MEP1A: variants seen among roughly 807,000 people sequenced by gnomAD.
The protein encoded by MEP1A is meprin A subunit alpha, also known as N-benzoyl-L-tyrosyl-P-amino-benzoic acid hydrolase subunit alpha.
Under a neutral mutation model 84.5 loss-of-function variants are expected in MEP1A, and 68 were observed. The observed-to-expected ratio is 0.80, with a 90% CI of 0.66 to 0.98. The LOEUF is 0.98. Among genes scored for constraint, MEP1A ranks in the 50% least tolerant of loss-of-function variants. MEP1A has a pLI of 0.00. For synonymous variants in MEP1A, 337 were observed against 336.8 expected, an observed-to-expected ratio of 1.00 and a Z score of -0.01; for missense variants, 887 against 919.9, an observed-to-expected ratio of 0.96 and a Z score of 0.46.
chr6:46,800,094 A>G (rs1220687441), intron 5 of MEP1A, among the ~76,000 whole-genome samples: 1 of 152,234 alleles, frequency 6.6e-6, no homozygotes, highest in African/African-American at 2.4e-5. Flanking sequence ...TTAGTTGGAA[A>G]ATTGAGTTGT....
intron 7 of MEP1A, among the ~76,000 whole-genome samples, chr6:46,821,468 C>A (rs1767774364): frequency 6.6e-6 from 1 of 151,740 alleles, no homozygotes; most frequent in Admixed American, 6.6e-5. Context: ...TGTGTTATAA[C>A]TGTGTGTGTG....
intron 3 of MEP1A, among the ~76,000 whole-genome samples, chr6:46,796,377 C>T (rs1056214682): frequency 2.6e-5 from 4 of 152,150 alleles, no homozygotes; most frequent in East Asian, 3.9e-4. Context: ...TGCTAAAATG[C>T]CACCTCCTGT....
Position 46,793,652 on chromosome 6 carries a change from C to A in MEP1A, c.95-14C>A. 1 of 1,598,030 alleles carries A rather than the reference C, an allele frequency of 6.3e-7. No homozygotes were observed. The highest frequency in any genetic ancestry group is 1.1e-5 in the South Asian group (1 of 87,832). On this transcript the variant is annotated splice_polypyrimidine_tract_variant and intron_variant, in intron 2 of 13. Transcript: ENST00000230588. ...GGCAAGACTAATAATAATTTTTTTT[C>A]TCACTTTTAACAGTACATGATGCAG...
chr6:46,825,414 T>G lies in MEP1A; in HGVS notation c.699T>G (p.Pro233=), dbSNP rs149650040. The G allele has an allele frequency of 6.8e-6, 11 of 1,613,804 alleles. No individual in the cohort carries two copies. In the African/African-American group the frequency reaches 1.3e-4, roughly 20 times the overall value. ...TTCCCACCATCACAGCCAAGATCCCTGAGTTTAACTCCATTATCGGACAGC... is the reference window on the plus strand; with the variant it reads ...TTCCCACCATCACAGCCAAGATCCCGGAGTTTAACTCCATTATCGGACAGC... ...ASVPTITAKI[P]EFNSIIGQRL... The change falls in exon 8 of 14, where the codon CCT becomes CCG. Residue 233 remains proline (P), a synonymous_variant. Coordinates refer to ENST00000230588, the MANE Select transcript of MEP1A (RefSeq NM_005588.3).
intron 11 of MEP1A, among the ~76,000 whole-genome samples, chr6:46,833,926 A>G (rs12198211): frequency 0.045 from 6,867 of 152,170 alleles, 162 homozygotes; most frequent in African/African-American, 0.071. Flanking sequence ...ATAGTACTCA[A>G]TGTTACTATG....
intron 6 of MEP1A, among the ~76,000 whole-genome samples, chr6:46,810,058 T>G (rs1289305080): frequency 6.6e-6 from 1 of 152,058 alleles, no homozygotes; most frequent in Non-Finnish European, 1.5e-5. Flanking sequence ...CCATAGTCAC[T>G]GTACTAGTTT....
chr6:46,841,680 C>T (rs1463753937), downstream of MEP1A, among the ~76,000 whole-genome samples: 1 of 152,176 alleles, frequency 6.6e-6, no homozygotes, highest in Non-Finnish European at 1.5e-5. Flanking sequence ...CCCACCATAT[C>T]CTCGATACAT....
intron 7 of MEP1A, among the ~76,000 whole-genome samples, chr6:46,820,299 T>G (rs1562111644): frequency 6.6e-5 from 10 of 152,264 alleles, no homozygotes; most frequent in Admixed American, 6.5e-4. Flanking sequence ...ACCTTGCTTC[T>G]TCTGCCTCCA....
At chr6:46,797,928 TTCTTTCCTTCC>T (rs1370428770) in intron 3 of MEP1A, among the ~76,000 whole-genome samples, 1,280 of 36,166 alleles carry the variant, frequency 0.035, 25 homozygotes, top group East Asian at 0.062. Context: ...CCTTCCTTCC[TTCTTTCCTTCC>T]TTCCTTCCTT....
intron 4 of MEP1A, among the ~76,000 whole-genome samples, 165 bp downstream of exon 4, chr6:46,798,811 A>G (rs1263405655): frequency 6.6e-6 from 1 of 152,228 alleles, no homozygotes; most frequent in Non-Finnish European, 1.5e-5. Context: ...TCCTAAGGAC[A>G]AAAACAGAGG....
In MEP1A at chr6:46,833,611, A is replaced by G. The variant is rs371167200; in HGVS notation, c.1609+73A>G. The G allele has an allele frequency of 4.3e-5, 47 of 1,092,370 alleles. No homozygotes were observed. The African/African-American group carries it at 7.2e-4, about 17-fold the overall frequency. The allele number at this position is 1,092,370 out of a possible 1,614,324, so 67.7% of individuals were successfully genotyped here. A position where few individuals can be genotyped will look rare whatever the true frequency, so the allele number is the denominator to read the frequency against. On this transcript the variant is annotated intron_variant, in intron 11 of 13. Transcript: ENST00000230588. ...CCCACAGATGTGATTCTGTGGTGCA[A>G]GAAAGAGTAACGTTCTCCTCACATT...
chr6:46,795,074 T>C (rs1767021047), intron 3 of MEP1A, among the ~76,000 whole-genome samples: 1 of 152,164 alleles, frequency 6.6e-6, no homozygotes, highest in Admixed American at 6.5e-5. Flanking sequence ...TGCCACCTTT[T>C]TACCATCTTC....
At chr6:46,815,105 G>A (rs1014230368) in intron 6 of MEP1A, among the ~76,000 whole-genome samples, 2 of 152,194 alleles carry the variant, frequency 1.3e-5, no homozygotes, top group Non-Finnish European at 2.9e-5. Context: ...GGGACACCTG[G>A]TTAAGTATTC....
Position 46,794,056 on chromosome 6 carries a change from C to T in MEP1A, c.145+340C>T, listed in dbSNP as rs541287912. ...TAAAGAAAAATATAAGAATAAGCCT[C>T]TGGTTATATTTAGTGGGGAAACAAA... On this transcript the variant is annotated intron_variant, in intron 3 of 13. Transcript: ENST00000230588. Among the ~76,000 whole-genome samples, 19 of 152,276 alleles carry T rather than the reference C, an allele frequency of 1.2e-4. No individual in the cohort carries two copies. The South Asian group carries it at 3.3e-3, about 27-fold the overall frequency.
At chr6:46,808,076 C>T (rs1292793393) in intron 5 of MEP1A, among the ~76,000 whole-genome samples, 1 of 151,994 alleles carries the variant, frequency 6.6e-6, no homozygotes. Context: ...CTCAGAAATC[C>T]CACCATTTGG....
rs986921518 is a variant in MEP1A at position 46,829,567 on chromosome 6, T to C, written c.1140T>C (p.Phe380=). The change falls in exon 10 of 14, where the codon TTT becomes TTC. Residue 380 remains phenylalanine (F), a synonymous_variant. Transcript: ENST00000230588. ...NVRKLVKVQT[F]QGDDDHNWKI... ...GCAAGTTGGTGAAGGTGCAGACTTT[T>C]CAAGGTACTTAGAGGCATTCACACG... is the stretch of plus-strand genomic sequence containing the variant. 1.2e-6 allele frequency: 2 copies of C among 1,613,122 alleles called. No homozygotes were observed. Among genetic ancestry groups the C allele is most frequent in the South Asian group, 1.1e-5 (1 of 91,056 alleles).
chr6:46,812,868 C>G (rs183677955), intron 6 of MEP1A, among the ~76,000 whole-genome samples: 1 of 151,968 alleles, frequency 6.6e-6, no homozygotes, highest in Non-Finnish European at 1.5e-5. Flanking sequence ...TTTACTGAGA[C>G]TTGTTTTGTG....
intron 6 of MEP1A, 95 bp from the exon 7 acceptor site, chr6:46,819,434 G>A: frequency 1.0e-6 from 1 of 983,536 alleles, no homozygotes; most frequent in East Asian, 2.6e-5. Flanking sequence ...CTAAAATCAA[G>A]CCTAATTTCC....
At chr6:46,829,190 CAG>C (rs1768017226) in intron 9 of MEP1A, among the ~76,000 whole-genome samples, 164 bp from the exon 10 acceptor site, 2 of 152,218 alleles carry the variant, frequency 1.3e-5, no homozygotes, top group African/African-American at 4.8e-5. Context: ...TCCATTGAGA[CAG>C]AGAATATTTA....
Sources: allele counts gnomAD v4.1 joint callset (sites outside exome capture counted in the v4.1 genomes callset), GRCh38; gene constraint gnomAD v4.1.1; transcripts MANE v1.5; gene names NCBI Gene and HGNC (gene_info 2026-07-23, HGNC 2026-07-21).